Variants in MAPRE2 observed in about 807,000 individuals in gnomAD.
MAPRE2 encodes the protein microtubule associated protein RP/EB family member 2.
A neutral mutation model predicts 43.2 loss-of-function variants in MAPRE2; 13 were observed. The ratio of observed to expected loss-of-function variants is 0.30; its 90% CI spans 0.20 to 0.48. The LOEUF (loss-of-function observed/expected upper bound fraction) is 0.48, where lower values mean the gene tolerates loss of function less well. MAPRE2 is among the 20% of genes least tolerant of loss of function. The pLI is 0.99. For missense variants in MAPRE2, 161 were observed against 400.2 expected (o/e 0.40, Z 5.10); for synonymous variants, 135 against 148.8 (o/e 0.91, Z 0.68).
At chr18:35,108,672 G>A (rs1909025591) in intron 4 of MAPRE2, among the ~76,000 whole-genome samples, 2 of 150,700 alleles carry the variant, frequency 1.3e-5, no homozygotes, top group African/African-American at 4.9e-5. Context: ...TTCTGACTGT[G>A]TGAGATGGCA....
intron 1 of MAPRE2, among the ~76,000 whole-genome samples, chr18:34,995,931 G>A (rs981309326): frequency 7.9e-5 from 12 of 151,974 alleles, no homozygotes; most frequent in East Asian, 3.9e-4. Context: ...TTAGAAAGGC[G>A]GATTCTCACA....
chr18:35,067,494 G>A (rs1006690733), intron 1 of MAPRE2, among the ~76,000 whole-genome samples: 2 of 152,110 alleles, frequency 1.3e-5, no homozygotes, highest in African/African-American at 4.8e-5. Context: ...ACCACAGAAC[G>A]TTTTTACTCA....
intron 1 of MAPRE2, chr18:34,978,484 C>G (rs1363595289): frequency 6.5e-7 from 1 of 1,549,876 alleles, no homozygotes; most frequent in Middle Eastern, 1.7e-4. Flanking sequence ...TGAGGACCCG[C>G]GATTTACACT....
At chr18:35,093,680 C>T (rs1204430808) in intron 2 of MAPRE2, among the ~76,000 whole-genome samples, 1 of 151,662 alleles carries the variant, frequency 6.6e-6, no homozygotes, top group Non-Finnish European at 1.5e-5. Flanking sequence ...AAGACAAATA[C>T]TGCATGATCT....
At chr18:35,078,301 C>G (rs189589677) in intron 2 of MAPRE2, among the ~76,000 whole-genome samples, 1 of 152,216 alleles carries the variant, frequency 6.6e-6, no homozygotes, top group Admixed American at 6.5e-5. Flanking sequence ...TTTGGAGATT[C>G]ATGTTTTGCA....
At position 35,127,032 on chromosome 18, in the gene MAPRE2, C is replaced by T; in HGVS notation, c.695C>T (p.Ser232Leu). The T allele has an allele frequency of 2.5e-6, 4 of 1,614,150 alleles. No homozygotes were observed. The highest frequency in any genetic ancestry group is 3.4e-6 in the Non-Finnish European group (4 of 1,180,010). ...SSAKRASSSGSASKSDKDLET... is the reference protein window; with the variant it reads ...SSAKRASSSGLASKSDKDLET... The stretch of plus-strand genomic sequence containing the variant: ...GCCAAAAGGGCTTCTTCCAGTGGCT[C>T]AGCATCCAAATCCGATAAAGATTTA... The change falls in exon 5 of 7, where the codon TCA becomes TTA. Residue 232 changes from serine (S) to leucine (L), a missense_variant. Physicochemically the swap from Ser to Leu is moderately radical, Grantham distance 145. Transcript: ENST00000300249.
At chr18:35,018,154 G>A (rs767038889) in intron 2 of MAPRE2, among the ~76,000 whole-genome samples, 6 of 151,900 alleles carry the variant, frequency 3.9e-5, no homozygotes, top group African/African-American at 1.2e-4. Flanking sequence ...TCCTGGGAAC[G>A]AAGCCTACTT....
chr18:35,024,265 C>A (rs1223443221), intron 2 of MAPRE2, among the ~76,000 whole-genome samples: 1 of 152,118 alleles, frequency 6.6e-6, no homozygotes, highest in East Asian at 1.9e-4. Context: ...GGTCTTTGTC[C>A]TCGTTCCTAA....
chr18:34,984,976 TAAAATATA>T (rs2097018571), intron 1 of MAPRE2, among the ~76,000 whole-genome samples: 1 of 76,592 alleles, frequency 1.3e-5, no homozygotes, highest in African/African-American at 5.1e-5. Flanking sequence ...ATATAATATA[TAAAATATA>T]TTATATATAA....
chr18:35,123,033 C>T (rs1909755078), intron 4 of MAPRE2, among the ~76,000 whole-genome samples: 1 of 152,252 alleles, frequency 6.6e-6, no homozygotes, highest in Non-Finnish European at 1.5e-5. Flanking sequence ...TCCCTCCCTG[C>T]CGTGAGCCAT....
intron 2 of MAPRE2, among the ~76,000 whole-genome samples, chr18:35,077,230 T>G (rs1907400977): frequency 6.9e-6 from 1 of 145,666 alleles, no homozygotes; most frequent in Non-Finnish European, 1.5e-5. Context: ...CTCTCACAGA[T>G]ACGCGCGCGT....
chr18:35,071,458 G>C (rs1907113700), intron 2 of MAPRE2, among the ~76,000 whole-genome samples: 1 of 152,176 alleles, frequency 6.6e-6, no homozygotes. Context: ...AAAGAAATAA[G>C]CAGTCCTCCT....
chr18:35,011,659 G>C (rs1421363075), intron 2 of MAPRE2, among the ~76,000 whole-genome samples: 1 of 152,140 alleles, frequency 6.6e-6, no homozygotes, highest in Non-Finnish European at 1.5e-5. Context: ...CCAGGCGGAA[G>C]ATGATTAGCA....
At chr18:34,979,213 T>G (rs2097014812) in intron 1 of MAPRE2, among the ~76,000 whole-genome samples, 1 of 152,166 alleles carries the variant, frequency 6.6e-6, no homozygotes, top group Non-Finnish European at 1.5e-5. Flanking sequence ...AAATCGAAGC[T>G]TACTTCAATG....
rs557976556 is a variant in MAPRE2 at position 35,073,184 on chromosome 18, A to T, written c.250+2862A>T. ...TTGCAGTACATTTTACCCCAGACCA[A>T]CAAAAATGAGGTTAAATTATCCAAA... On this transcript the variant is annotated intron_variant, in intron 2 of 6. Coordinates refer to ENST00000300249, the MANE Select transcript of MAPRE2 (RefSeq NM_014268.4). 2.0e-3 allele frequency among the ~76,000 whole-genome samples: 311 copies of T among 152,272 alleles called. 3 individuals carry two copies. The highest frequency in any genetic ancestry group is 3.4e-3 in the Middle Eastern group (1 of 294).
chr18:35,060,938 A>G (rs1231448821), intron 1 of MAPRE2, among the ~76,000 whole-genome samples: 1 of 152,198 alleles, frequency 6.6e-6, no homozygotes, highest in Non-Finnish European at 1.5e-5. Flanking sequence ...TTCTTAAAAC[A>G]TATGTAGAAT....
upstream of MAPRE2, among the ~76,000 whole-genome samples, chr18:35,038,605 T>C (rs2097051883): frequency 6.6e-6 from 1 of 152,158 alleles, no homozygotes; most frequent in African/African-American, 2.4e-5. Context: ...TACCCTCACT[T>C]GGGGCTGGAA....
chr18:35,019,941 G>T (rs191824620), intron 2 of MAPRE2, among the ~76,000 whole-genome samples: 1 of 152,086 alleles, frequency 6.6e-6, no homozygotes, highest in East Asian at 1.9e-4. Context: ...AATGGATGAG[G>T]CATTCTAGTT....
intron 2 of MAPRE2, among the ~76,000 whole-genome samples, chr18:35,009,119 T>C (rs772456077): frequency 1.4e-4 from 22 of 152,136 alleles, no homozygotes; most frequent in Non-Finnish European, 2.5e-4. Context: ...GGAACTAAGA[T>C]ATATGTAAAC....
Sources: gnomAD v4.1 joint callset for allele counts (sites outside exome capture counted in the v4.1 genomes callset) on GRCh38, gnomAD v4.1.1 for gene constraint, MANE v1.5 for transcripts, NCBI Gene and HGNC (gene_info 2026-07-23, HGNC 2026-07-21) for gene names.